PDE10A: variants seen among roughly 807,000 people sequenced by gnomAD.
PDE10A encodes the protein phosphodiesterase 10A.
PDE10A carries 39 observed loss-of-function variants against 97.7 expected under a neutral mutation model. The observed-to-expected ratio is 0.40, with a 90% CI of 0.31 to 0.52. PDE10A has a LOEUF of 0.52. PDE10A is among the 20% of genes least tolerant of loss of function. PDE10A has a pLI of 0.56. For synonymous variants in PDE10A, 371 were observed against 376.8 expected, an observed-to-expected ratio of 0.98 and a Z score of 0.18; for missense variants, 731 against 1,047.8, an observed-to-expected ratio of 0.70 and a Z score of 4.17.
At chr6:165,970,207 G>C (rs994269949) in intron 1 of PDE10A, among the ~76,000 whole-genome samples, 1 of 152,092 alleles carries the variant, frequency 6.6e-6, no homozygotes, top group African/African-American at 2.4e-5. Context: ...AGACTGAGAG[G>C]TTGCTCCAGA....
intron 1 of PDE10A, among the ~76,000 whole-genome samples, chr6:165,958,749 G>GAAAGAAAT (rs1784265212): frequency 9.9e-6 from 1 of 100,790 alleles, no homozygotes. Flanking sequence ...GAAAGAAAGA[G>GAAAGAAAT]AAAGAAAGAA....
intron 1 of PDE10A, among the ~76,000 whole-genome samples, chr6:165,769,279 C>A (rs992596294): frequency 1.1e-4 from 16 of 152,274 alleles, no homozygotes; most frequent in African/African-American, 3.1e-4. Context: ...AGTTAAATAA[C>A]CACATGTAGC....
At chr6:165,390,478 T>A (rs982913043) in intron 16 of PDE10A, among the ~76,000 whole-genome samples, 2 of 152,022 alleles carry the variant, frequency 1.3e-5, no homozygotes, top group African/African-American at 4.8e-5. Flanking sequence ...GATCGGAGCA[T>A]ATTCTAAGAT....
intron 1 of PDE10A, among the ~76,000 whole-genome samples, chr6:165,624,594 C>G (rs1788295644): frequency 6.6e-6 from 1 of 152,154 alleles, no homozygotes; most frequent in Non-Finnish European, 1.5e-5. Context: ...AGGCTGATTC[C>G]CACGTTAGGA....
At chr6:165,523,370 T>C (rs917647448) in intron 2 of PDE10A, among the ~76,000 whole-genome samples, 4 of 152,108 alleles carry the variant, frequency 2.6e-5, no homozygotes, top group Admixed American at 1.3e-4. Flanking sequence ...TTTCAAACTA[T>C]GCAACAAGGC....
intron 10 of PDE10A, among the ~76,000 whole-genome samples, chr6:165,427,179 C>T (rs929323647): frequency 1.3e-5 from 2 of 152,084 alleles, no homozygotes; most frequent in Non-Finnish European, 2.9e-5. Context: ...CACAGCAGCA[C>T]TATTTACAAG....
chr6:165,794,426 TCA>T (rs753836465), intron 1 of PDE10A, among the ~76,000 whole-genome samples: 9 of 150,386 alleles, frequency 6.0e-5, no homozygotes, highest in Non-Finnish European at 8.9e-5. Context: ...CTACACTCAC[TCA>T]CACACTCACT....
At chr6:165,937,176 C>A (rs1783360585) in intron 1 of PDE10A, among the ~76,000 whole-genome samples, 1 of 152,182 alleles carries the variant, frequency 6.6e-6, no homozygotes, top group Non-Finnish European at 1.5e-5. Context: ...ACCCTGTAAC[C>A]CACTGGGCTT....
chr6:165,675,857 C>G (rs911145989), intron 1 of PDE10A, among the ~76,000 whole-genome samples: 8 of 152,098 alleles, frequency 5.3e-5, no homozygotes, highest in African/African-American at 1.9e-4. Context: ...CTCAAAGAAC[C>G]AAAGTATAAC....
At position 165,418,988 on chromosome 6, in the gene PDE10A, C is replaced by T. The variant is rs1788509350; in HGVS notation, c.1654-211G>A. Among the ~76,000 whole-genome samples the T allele has an allele frequency of 6.6e-6, 1 of 152,204 alleles. No homozygotes were observed. Among genetic ancestry groups the T allele is most frequent in the Non-Finnish European group, 1.5e-5 (1 of 68,044 alleles). ...ACATGCTAATACTAACAGATCCCAACAGAATACACAGCGGATATGCATCCA... is the reference window on the plus strand; with the variant it reads ...ACATGCTAATACTAACAGATCCCAATAGAATACACAGCGGATATGCATCCA... On this transcript the variant is annotated intron_variant, in intron 10 of 21. Coordinates refer to ENST00000539869, the MANE Select transcript of PDE10A (RefSeq NM_001385079.1). This position sits in a 1 kb window ranked among gnomAD's most constrained non-coding sequence, Gnocchi z 4.8.
chr6:165,651,887 T>C (rs1278213432), intron 1 of PDE10A, among the ~76,000 whole-genome samples: 1 of 152,228 alleles, frequency 6.6e-6, no homozygotes, highest in Non-Finnish European at 1.5e-5. Context: ...CCTCAAATCA[T>C]GTATTCAGTA....
intron 16 of PDE10A, among the ~76,000 whole-genome samples, chr6:165,390,575 T>C (rs1378458974): frequency 1.3e-5 from 2 of 150,814 alleles, no homozygotes; most frequent in Non-Finnish European, 3.0e-5. Context: ...GAGAGAAGAG[T>C]GGGAAGCACT....
At chr6:165,545,224 T>C (rs765941540) in intron 1 of PDE10A, 1 of 505,142 alleles carries the variant, frequency 2.0e-6, no homozygotes, top group Non-Finnish European at 3.9e-6. Context: ...TACTTTCTCT[T>C]CAACAATCCA....
chr6:165,916,744 C>T (rs1380118663), intron 1 of PDE10A, among the ~76,000 whole-genome samples: 1 of 152,174 alleles, frequency 6.6e-6, no homozygotes, highest in Non-Finnish European at 1.5e-5. Context: ...AAACGGATTC[C>T]TTTTGGTCTT....
chr6:165,783,006 G>T (rs1778386523), intron 1 of PDE10A, among the ~76,000 whole-genome samples: 1 of 151,214 alleles, frequency 6.6e-6, no homozygotes, highest in Admixed American at 6.6e-5. Context: ...CCTCTCTGAT[G>T]CTCTACATAC....
chr6:165,903,349 A>G (rs899986917), intron 1 of PDE10A, among the ~76,000 whole-genome samples: 1 of 152,220 alleles, frequency 6.6e-6, no homozygotes, highest in Non-Finnish European at 1.5e-5. Context: ...CTAGTTTAGT[A>G]ATAGTGAAGA....
At chr6:165,642,052 G>C (rs1789163198) in intron 1 of PDE10A, among the ~76,000 whole-genome samples, 1 of 152,020 alleles carries the variant, frequency 6.6e-6, no homozygotes, top group Non-Finnish European at 1.5e-5. Context: ...TTTCATCGGG[G>C]GTGTAACTTA....
intron 1 of PDE10A, among the ~76,000 whole-genome samples, chr6:165,881,392 C>CTTTTTTTTT (rs68159417): frequency 1.9e-5 from 2 of 107,018 alleles, no homozygotes; most frequent in African/African-American, 8.0e-5. Context: ...TTTTTCTTTT[C>CTTTTTTTTT]TTTTTTTTTT....
intron 1 of PDE10A, among the ~76,000 whole-genome samples, chr6:165,748,132 G>A (rs751818990): frequency 1.4e-4 from 22 of 152,140 alleles, no homozygotes; most frequent in Non-Finnish European, 2.9e-4. Context: ...ACAAACCAGG[G>A]TAGAGAACCC....
Sources: allele counts gnomAD v4.1 joint callset (sites outside exome capture counted in the v4.1 genomes callset), GRCh38; gene constraint gnomAD v4.1.1; non-coding constraint Gnocchi (gnomAD v3.1); transcripts MANE v1.5; gene names NCBI Gene and HGNC (gene_info 2026-07-23, HGNC 2026-07-21).